DLGAP1: variants seen among roughly 807,000 people sequenced by gnomAD.
DLGAP1 encodes the protein disks large-associated protein 1.
Under a neutral mutation model 90.8 loss-of-function variants are expected in DLGAP1, and 11 were observed. The observed-to-expected ratio is 0.12, with a 90% CI of 0.08 to 0.20. The LOEUF (loss-of-function observed/expected upper bound fraction) is 0.20, where lower values mean the gene tolerates loss of function less well. DLGAP1 is among the 10% of genes least tolerant of loss of function. The pLI, the probability that DLGAP1 is intolerant of heterozygous loss-of-function variation, is 1.00. For missense variants in DLGAP1, 1,050 were observed against 1,333.8 expected (o/e 0.79, Z 3.31); for synonymous variants, 558 against 540.7 (o/e 1.03, Z -0.44).
chr18:4,415,076 G>A (rs1361937284), intron 1 of DLGAP1, among the ~76,000 whole-genome samples: 1 of 150,700 alleles, frequency 6.6e-6, no homozygotes, highest in African/African-American at 2.5e-5. Flanking sequence ...TATATATAAT[G>A]ACTGTTGATA....
rs772807551 is a variant in DLGAP1 at position 3,639,904 on chromosome 18, G to A, written c.1592-57656C>T. On this transcript the variant is annotated intron_variant, in intron 7 of 12. Coordinates refer to ENST00000315677, the MANE Select transcript of DLGAP1 (RefSeq NM_004746.4). ...GGAGCAGCTGGGACTACAGGCGCCC[G>A]CCACCACACCCGGCTAATTTTTTGT... is the stretch of plus-strand genomic sequence containing the variant. 2.9e-4 allele frequency among the ~76,000 whole-genome samples: 42 copies of A among 145,258 alleles called. No homozygotes were observed. In the South Asian group the frequency reaches 3.4e-3, roughly 12 times the overall value.
intron 9 of DLGAP1, among the ~76,000 whole-genome samples, chr18:3,560,912 G>A (rs928976794): frequency 1.3e-5 from 2 of 150,468 alleles, no homozygotes; most frequent in East Asian, 1.9e-4. Flanking sequence ...TATTTACCAC[G>A]AATCCAATCC....
chr18:4,089,037 C>T (rs1024637602), intron 2 of DLGAP1, among the ~76,000 whole-genome samples: 5 of 152,088 alleles, frequency 3.3e-5, no homozygotes, highest in Non-Finnish European at 5.9e-5. Flanking sequence ...TAACATGATC[C>T]TATATCTAGA....
intron 2 of DLGAP1, among the ~76,000 whole-genome samples, chr18:4,038,382 G>C (rs1041463277): frequency 1.2e-4 from 18 of 152,028 alleles, no homozygotes; most frequent in African/African-American, 3.9e-4. Context: ...AGTCTGGGGG[G>C]GTTAGGGATG....
At chr18:4,352,117 G>T (rs1276510159) in intron 1 of DLGAP1, among the ~76,000 whole-genome samples, 2 of 152,256 alleles carry the variant, frequency 1.3e-5, no homozygotes, top group Admixed American at 6.5e-5. Flanking sequence ...AGAGGCATTT[G>T]CCAACTTTAC....
In DLGAP1 at chr18:3,954,818, G is replaced by A. The variant is rs535576632; in HGVS notation, c.-73+50298C>T. 9.0e-4 allele frequency among the ~76,000 whole-genome samples: 137 copies of A among 152,284 alleles called. 1 individual carries two copies. Among genetic ancestry groups the A allele is most frequent in the South Asian group, 8.3e-3 (40 of 4,826 alleles). On this transcript the variant is annotated intron_variant, in intron 3 of 12. Transcript: ENST00000315677. ...ATGATATAACTGTTTGCAAAACACT[G>A]GACATGCGGACAATGAAGGGACAGT...
chr18:4,142,242 T>C (rs1411653090), intron 2 of DLGAP1, among the ~76,000 whole-genome samples: 1 of 152,220 alleles, frequency 6.6e-6, no homozygotes, highest in Admixed American at 6.5e-5. Context: ...AGGAAATTAT[T>C]CTATCATCCA....
intron 1 of DLGAP1, among the ~76,000 whole-genome samples, chr18:4,173,730 C>A (rs1050196377): frequency 6.6e-6 from 1 of 152,200 alleles, no homozygotes; most frequent in African/African-American, 2.4e-5. Flanking sequence ...CCAGGGAAAC[C>A]TTCCGTGATT....
chr18:3,959,288 C>T (rs921362685), intron 3 of DLGAP1, among the ~76,000 whole-genome samples: 1 of 152,032 alleles, frequency 6.6e-6, no homozygotes. Flanking sequence ...CTTTTGTTTA[C>T]CTGAAACGTC....
chr18:4,276,266 A>G (rs982894986), intron 1 of DLGAP1, among the ~76,000 whole-genome samples: 2 of 151,560 alleles, frequency 1.3e-5, no homozygotes, highest in African/African-American at 4.9e-5. Context: ...GACTTTGGCT[A>G]TAGTGTGGAG....
intron 1 of DLGAP1, among the ~76,000 whole-genome samples, chr18:4,168,397 A>G (rs1264353305): frequency 6.6e-6 from 1 of 152,198 alleles, no homozygotes; most frequent in Non-Finnish European, 1.5e-5. Flanking sequence ...AAAAAAGATG[A>G]ACCTCAAACT....
intron 8 of DLGAP1, chr18:3,571,472 CT>C (rs1286489682): frequency 1.3e-5 from 2 of 152,076 alleles, no homozygotes; most frequent in African/African-American, 4.8e-5. Context: ...CCTAAGCCCC[CT>C]GAGTAGTTGA....
intron 1 of DLGAP1, among the ~76,000 whole-genome samples, chr18:4,171,614 G>A (rs1455430946): frequency 1.3e-5 from 2 of 151,550 alleles, no homozygotes; most frequent in Non-Finnish European, 2.9e-5. Flanking sequence ...GCGAATTATT[G>A]AGATGAAAAG....
chr18:3,580,140 C>A, intron 8 of DLGAP1: 1 of 1,150,220 alleles, frequency 8.7e-7, no homozygotes, highest in Non-Finnish European at 1.3e-6. Context: ...ATAATAGCTG[C>A]TAATAATGTC....
intron 7 of DLGAP1, 56 bp from the exon 8 acceptor site, chr18:3,582,304 A>G (rs1191545335): frequency 3.8e-6 from 6 of 1,560,956 alleles, no homozygotes; most frequent in African/African-American, 1.4e-5. Flanking sequence ...TTAATTTCTG[A>G]TATTGTAACT....
chr18:4,311,577 T>C (rs12373318), intron 1 of DLGAP1, among the ~76,000 whole-genome samples: 3,632 of 152,298 alleles, frequency 0.024, 57 homozygotes, highest in East Asian at 0.043. Context: ...ATTTTTATAT[T>C]GATTCCAATG....
intron 7 of DLGAP1, among the ~76,000 whole-genome samples, chr18:3,614,442 G>T (rs530015114): frequency 2.4e-4 from 36 of 152,222 alleles, no homozygotes; most frequent in African/African-American, 8.7e-4. Context: ...ATCATAAATT[G>T]CACACTTCCC....
intron 1 of DLGAP1, among the ~76,000 whole-genome samples, chr18:4,175,191 T>G (rs1364498493): frequency 6.6e-6 from 1 of 152,228 alleles, no homozygotes; most frequent in Non-Finnish European, 1.5e-5. Flanking sequence ...GAGCTTTTTT[T>G]CATACATTTC....
At position 3,526,143 on chromosome 18, in the gene DLGAP1, C is replaced by A. The variant is rs189789513; in HGVS notation, c.2479+8051G>T. 1.3e-5 allele frequency among the ~76,000 whole-genome samples: 2 copies of A among 152,208 alleles called. No individual in the cohort carries two copies. The highest frequency in any genetic ancestry group is 6.5e-5 in the Admixed American group (1 of 15,292). ...GTGTGTGTGGTGGAGTGGGAGGGAC[C>A]TTTTGAGGGTTCATTGCAAGAGTTA... On this transcript the variant is annotated intron_variant, in intron 10 of 12. Coordinates refer to ENST00000315677, the MANE Select transcript of DLGAP1 (RefSeq NM_004746.4). This position sits in a 1 kb window ranked among gnomAD's most constrained non-coding sequence, Gnocchi z 4.7.
Sources: gnomAD v4.1 joint callset for allele counts (sites outside exome capture counted in the v4.1 genomes callset) on GRCh38, gnomAD v4.1.1 for gene constraint, Gnocchi (gnomAD v3.1) non-coding constraint, MANE v1.5 for transcripts, NCBI Gene and HGNC (gene_info 2026-07-23, HGNC 2026-07-21) for gene names.